The following FSTL5 variants were observed in gnomAD, a reference collection of about 807,000 sequenced individuals.
The protein encoded by FSTL5 is follistatin like 5.
Under a neutral mutation model 89.1 loss-of-function variants are expected in FSTL5, and 62 were observed. The observed-to-expected ratio is 0.70, with a 90% CI of 0.57 to 0.86. The LOEUF is 0.86. Among genes scored for constraint, FSTL5 ranks in the 40% least tolerant of loss-of-function variants. The pLI is 0.00. For synonymous variants in FSTL5, 383 were observed against 346.2 expected (o/e 1.11, Z -1.18); for missense variants, 1,057 against 1,001.6 (o/e 1.06, Z -0.75).
chr4:161,958,591 T>C (rs539159344), intron 3 of FSTL5, among the ~76,000 whole-genome samples: 1 of 152,246 alleles, frequency 6.6e-6, no homozygotes, highest in Non-Finnish European at 1.5e-5. Flanking sequence ...AAGACCCTCT[T>C]GGGTACTCTC....
chr4:161,844,941 A>T (rs539454434), intron 4 of FSTL5, among the ~76,000 whole-genome samples: 107 of 152,256 alleles, frequency 7.0e-4, no homozygotes, highest in African/African-American at 1.9e-3. Flanking sequence ...TAATAATAAT[A>T]AAAAAACTAC....
chr4:162,122,028 G>A (rs1731883767), intron 1 of FSTL5, among the ~76,000 whole-genome samples: 1 of 151,980 alleles, frequency 6.6e-6, no homozygotes, highest in Non-Finnish European at 1.5e-5. Context: ...CTAATTGACT[G>A]TTTATGTTAT....
At chr4:161,710,687 T>C (rs992681411) in intron 6 of FSTL5, among the ~76,000 whole-genome samples, 3 of 152,166 alleles carry the variant, frequency 2.0e-5, no homozygotes, top group African/African-American at 7.2e-5. Flanking sequence ...AATATCCCAT[T>C]GTTCCTCTGC....
intron 6 of FSTL5, among the ~76,000 whole-genome samples, chr4:161,705,952 GTATATATATATATATATATA>G (rs1206067350): frequency 0.014 from 425 of 30,660 alleles, 12 homozygotes; most frequent in African/African-American, 0.06. Flanking sequence ...GTAGATGTGT[GTATATATATATATATATATA>G]TATATATATA....
At chr4:161,656,948 A>G (rs1736540447) in intron 6 of FSTL5, among the ~76,000 whole-genome samples, 1 of 152,216 alleles carries the variant, frequency 6.6e-6, no homozygotes, top group African/African-American at 2.4e-5. Context: ...CTCTGAAGGC[A>G]TAAGATTTGT....
chr4:161,481,305 A>G (rs1729496622), intron 12 of FSTL5, 136 bp from the exon 13 acceptor site: 4 of 470,616 alleles, frequency 8.5e-6, no homozygotes, highest in Non-Finnish European at 7.2e-6. Context: ...ATAAAGTTTA[A>G]TTAATAGAAC....
intron 8 of FSTL5, among the ~76,000 whole-genome samples, chr4:161,555,143 GT>G (rs970715953): frequency 1.3e-5 from 2 of 151,518 alleles, no homozygotes; most frequent in African/African-American, 2.4e-5. Context: ...ACTTCGGTGA[GT>G]TTTTTTAATT....
intron 1 of FSTL5, among the ~76,000 whole-genome samples, chr4:162,141,301 G>C (rs1235203151): frequency 1.1e-5 from 1 of 91,572 alleles, no homozygotes; most frequent in Non-Finnish European, 2.5e-5. Flanking sequence ...ATTTTTAGTA[G>C]AGACGGGGTT....
At chr4:162,086,562 T>C (rs561741474) in intron 2 of FSTL5, among the ~76,000 whole-genome samples, 5 of 152,088 alleles carry the variant, frequency 3.3e-5, no homozygotes, top group East Asian at 3.9e-4. Context: ...CATTGGAAAA[T>C]TGATGCCATC....
intron 15 of FSTL5, among the ~76,000 whole-genome samples, chr4:161,442,858 T>C (rs1223853137): frequency 6.6e-6 from 1 of 152,000 alleles, no homozygotes; most frequent in Non-Finnish European, 1.5e-5. Context: ...CTTTCTCTTA[T>C]AAATAATAGG....
At chr4:161,981,966 A>C (rs981083023) in intron 3 of FSTL5, among the ~76,000 whole-genome samples, 1 of 152,216 alleles carries the variant, frequency 6.6e-6, no homozygotes, top group African/African-American at 2.4e-5. Flanking sequence ...GGAAGAGATA[A>C]TATTTTGGGA....
At chr4:161,877,636 C>T (rs1732489922) in intron 4 of FSTL5, among the ~76,000 whole-genome samples, 1 of 151,118 alleles carries the variant, frequency 6.6e-6, no homozygotes, top group South Asian at 2.1e-4. Context: ...ATCATCCTGG[C>T]TAACACAGTG....
intron 7 of FSTL5, among the ~76,000 whole-genome samples, chr4:161,609,299 C>T (rs1469454430): frequency 6.6e-6 from 1 of 152,024 alleles, no homozygotes; most frequent in Non-Finnish European, 1.5e-5. Flanking sequence ...ATGCTGAAAA[C>T]AAGCCTATTT....
At chr4:162,157,986 A>G (rs1279367360) in intron 1 of FSTL5, among the ~76,000 whole-genome samples, 1 of 152,132 alleles carries the variant, frequency 6.6e-6, no homozygotes, top group Non-Finnish European at 1.5e-5. Flanking sequence ...AGCCTTCAAG[A>G]GCCCGCCTTA....
At chr4:161,535,152 A>G (rs2126535567) in intron 10 of FSTL5, among the ~76,000 whole-genome samples, 1 of 152,292 alleles carries the variant, frequency 6.6e-6, no homozygotes, top group African/African-American at 2.4e-5. Context: ...CCTTCTCAAC[A>G]TTGGTTTTGG....
At chr4:161,479,255 A>G (rs1729416306) in intron 13 of FSTL5, among the ~76,000 whole-genome samples, 1 of 152,052 alleles carries the variant, frequency 6.6e-6, no homozygotes, top group Non-Finnish European at 1.5e-5. Flanking sequence ...CATTTTGAAA[A>G]ATAATACAGT....
At chr4:161,903,496 TATC>T (rs1469959411) in intron 4 of FSTL5, among the ~76,000 whole-genome samples, 5 of 151,982 alleles carry the variant, frequency 3.3e-5, no homozygotes, top group Non-Finnish European at 1.5e-5. Context: ...TTTAATAAAA[TATC>T]ATTATTATAA....
At chr4:162,027,529 A>C (rs1425016941) in intron 3 of FSTL5, among the ~76,000 whole-genome samples, 1 of 152,162 alleles carries the variant, frequency 6.6e-6, no homozygotes, top group Non-Finnish European at 1.5e-5. Context: ...TTTATTTCAA[A>C]AACTTGCATT....
chr4:161,393,427 T>C (rs182898528), intron 15 of FSTL5, among the ~76,000 whole-genome samples: 1 of 151,908 alleles, frequency 6.6e-6, no homozygotes, highest in African/African-American at 2.4e-5. Context: ...TAAACTACAG[T>C]CAAGCAGAAG....
Sources: gnomAD v4.1 joint callset for allele counts (sites outside exome capture counted in the v4.1 genomes callset) on GRCh38, gnomAD v4.1.1 for gene constraint, MANE v1.5 for transcripts, NCBI Gene and HGNC (gene_info 2026-07-23, HGNC 2026-07-21) for gene names.